TEAD1: variants seen among roughly 807,000 people sequenced by gnomAD.
The protein encoded by TEAD1 is TEA domain transcription factor 1.
A neutral mutation model predicts 54.9 loss-of-function variants in TEAD1; 9 were observed. The observed-to-expected ratio is 0.16, with a 90% CI of 0.10 to 0.29. The LOEUF is 0.29. TEAD1 is among the 10% of genes least tolerant of loss of function. The probability of loss-of-function intolerance (pLI) is 1.00; values close to 1 mark genes in which losing one functional copy is unlikely to be tolerated. For synonymous variants in TEAD1, 200 were observed against 187.8 expected, an observed-to-expected ratio of 1.07 and a Z score of -0.53; for missense variants, 387 against 535.9, an observed-to-expected ratio of 0.72 and a Z score of 2.74.
At chr11:12,877,778 TTCTTCCTTC>T (rs1947883361) in intron 5 of TEAD1, among the ~76,000 whole-genome samples, 2 of 131,258 alleles carry the variant, frequency 1.5e-5, no homozygotes, top group South Asian at 5.8e-4. Flanking sequence ...CACCCTCCCT[TTCTTCCTTC>T]CTTTTCTCCT....
At chr11:12,694,082 C>T (rs1943524748) in intron 2 of TEAD1, among the ~76,000 whole-genome samples, 1 of 152,220 alleles carries the variant, frequency 6.6e-6, no homozygotes, top group South Asian at 2.1e-4. Flanking sequence ...TGCGGCCCGG[C>T]ACAACTCAGC....
At chr11:12,875,321 C>T (rs1947833405) in intron 5 of TEAD1, among the ~76,000 whole-genome samples, 1 of 152,192 alleles carries the variant, frequency 6.6e-6, no homozygotes, top group South Asian at 2.1e-4. Flanking sequence ...AGGAGCAGTT[C>T]ACTCAGGTCT....
At chr11:12,768,902 G>A (rs1403800110) in intron 3 of TEAD1, among the ~76,000 whole-genome samples, 3 of 152,128 alleles carry the variant, frequency 2.0e-5, no homozygotes, top group Middle Eastern at 3.2e-3. Context: ...CCTATTCTTG[G>A]CTACCAAGGT....
intron 2 of TEAD1, among the ~76,000 whole-genome samples, chr11:12,701,682 G>C (rs1447418838): frequency 6.6e-6 from 1 of 152,144 alleles, no homozygotes; most frequent in Non-Finnish European, 1.5e-5. Context: ...GTGGGAAAAG[G>C]GAGTTGTGTT....
chr11:12,757,900 C>T (rs765781175), intron 2 of TEAD1, among the ~76,000 whole-genome samples: 2 of 152,098 alleles, frequency 1.3e-5, no homozygotes, highest in African/African-American at 2.4e-5. Flanking sequence ...CTGTCTCAGC[C>T]TCCCAAGTAG....
intron 2 of TEAD1, among the ~76,000 whole-genome samples, chr11:12,754,352 C>T (rs1944941857): frequency 6.6e-6 from 1 of 152,176 alleles, no homozygotes; most frequent in African/African-American, 2.4e-5. Flanking sequence ...GTTTTATGAT[C>T]ATGTTTTGGG....
intron 2 of TEAD1, among the ~76,000 whole-genome samples, chr11:12,719,660 G>A (rs190504860): frequency 6.6e-6 from 1 of 152,198 alleles, no homozygotes; most frequent in East Asian, 1.9e-4. Context: ...AACCAAGGCT[G>A]AGGTAAATCT....
intron 3 of TEAD1, among the ~76,000 whole-genome samples, chr11:12,848,117 A>T (rs185298566): frequency 4.1e-4 from 63 of 152,220 alleles, no homozygotes; most frequent in African/African-American, 1.5e-3. Flanking sequence ...TATCCATCTA[A>T]TCGTTCCGTC....
At chr11:12,815,165 G>A (rs1946390795) in intron 3 of TEAD1, among the ~76,000 whole-genome samples, 1 of 152,092 alleles carries the variant, frequency 6.6e-6, no homozygotes, top group African/African-American at 2.4e-5. Context: ...ATCTCAGAGG[G>A]GGTGAGTTTT....
chr11:12,710,397 AC>A (rs1943911327), intron 2 of TEAD1, among the ~76,000 whole-genome samples: 11 of 152,128 alleles, frequency 7.2e-5, no homozygotes, highest in Admixed American at 7.2e-4. Context: ...TTGGGCATCT[AC>A]TGTGTGCCAG....
intron 9 of TEAD1, 114 bp downstream of exon 9, chr11:12,883,239 CTG>C: frequency 6.5e-7 from 1 of 1,533,774 alleles, no homozygotes. Context: ...GACAAATATC[CTG>C]TGTGAAAACG....
intron 2 of TEAD1, among the ~76,000 whole-genome samples, chr11:12,744,363 A>G (rs1420673926): frequency 6.6e-6 from 1 of 152,214 alleles, no homozygotes; most frequent in Non-Finnish European, 1.5e-5. Flanking sequence ...GGCAAAATCT[A>G]AATGTCCAAG....
intron 3 of TEAD1, among the ~76,000 whole-genome samples, chr11:12,858,920 C>T (rs1947444548): frequency 1.3e-5 from 2 of 152,196 alleles, no homozygotes; most frequent in Non-Finnish European, 2.9e-5. Context: ...AGGCTGCAAA[C>T]CTGTCTGGTG....
intron 3 of TEAD1, among the ~76,000 whole-genome samples, chr11:12,773,512 A>C (rs1229443750): frequency 5.3e-5 from 8 of 152,172 alleles, no homozygotes; most frequent in African/African-American, 9.7e-5. Context: ...TTCCTTAAAG[A>C]CTAACGATGT....
At chr11:12,897,357 T>C (rs1466366354) in intron 9 of TEAD1, among the ~76,000 whole-genome samples, 7 of 152,146 alleles carry the variant, frequency 4.6e-5, no homozygotes, top group African/African-American at 1.7e-4. Flanking sequence ...ACCAAAGGGT[T>C]TTTAGAATTC....
chr11:12,731,428 G>T, intron 2 of TEAD1, among the ~76,000 whole-genome samples: 1 of 152,020 alleles, frequency 6.6e-6, no homozygotes, highest in East Asian at 1.9e-4. Context: ...TGATGTGGGT[G>T]TATATTGTTT....
chr11:12,871,540 C>A (rs553325132), intron 5 of TEAD1, among the ~76,000 whole-genome samples: 1 of 152,208 alleles, frequency 6.6e-6, no homozygotes, highest in Non-Finnish European at 1.5e-5. Context: ...ATGCAGGAGT[C>A]TCTTTGCCTG....
At position 12,828,840 on chromosome 11, in the gene TEAD1, A is replaced by AT. The variant is rs58995760; in HGVS notation, c.203-33396dup. On this transcript the variant is annotated intron_variant, in intron 3 of 12. Transcript: ENST00000527636. ...CTTACTCCTGACTCTTTTGTCCTGAATTTTTTTTTTTTTTACCCCGTATTT... is the reference window on the plus strand; with the variant it reads ...CTTACTCCTGACTCTTTTGTCCTGAATTTTTTTTTTTTTTTACCCCGTATTT... Among the ~76,000 whole-genome samples the AT allele has an allele frequency of 7.2e-3, 921 of 128,478 alleles. 2 individuals are homozygous for AT. Among genetic ancestry groups the AT allele is most frequent in the Non-Finnish European group, 9.1e-3 (541 of 59,180 alleles). The allele number at this position is 128,478 out of a possible 152,430, so 84.3% of individuals were successfully genotyped here. A position where few individuals can be genotyped will look rare whatever the true frequency, so the allele number is the denominator to read the frequency against.
chr11:12,862,435 G>A (rs932288014), intron 4 of TEAD1, 121 bp downstream of exon 4: 7 of 807,106 alleles, frequency 8.7e-6, no homozygotes, highest in East Asian at 2.6e-5. Flanking sequence ...CTGTAAGGAC[G>A]TCAGTGTTGG....
Sources: gnomAD v4.1 joint callset for allele counts (sites outside exome capture counted in the v4.1 genomes callset) on GRCh38, gnomAD v4.1.1 for gene constraint, MANE v1.5 for transcripts, NCBI Gene and HGNC (gene_info 2026-07-23, HGNC 2026-07-21) for gene names.